PRKCQ: variants seen among roughly 807,000 people sequenced by gnomAD.
PRKCQ encodes protein kinase C theta.
A neutral mutation model predicts 91.2 loss-of-function variants in PRKCQ; 41 were observed. The ratio of observed to expected loss-of-function variants is 0.45; its 90% CI spans 0.35 to 0.58. The LOEUF (loss-of-function observed/expected upper bound fraction) is 0.58, where lower values mean the gene tolerates loss of function less well. Ranked by LOEUF, PRKCQ falls within the 20% of genes least tolerant of loss-of-function variation. The pLI is 0.00. For missense variants in PRKCQ, 673 were observed against 896.5 expected (o/e 0.75, Z 3.18); for synonymous variants, 307 against 316.9 (o/e 0.97, Z 0.33).
intron 12 of PRKCQ, among the ~76,000 whole-genome samples, chr10:6,469,602 T>TA (rs1464406303): frequency 6.6e-6 from 1 of 152,196 alleles, no homozygotes; most frequent in Admixed American, 6.5e-5. Context: ...GATTTGTGTT[T>TA]AGGTATCTTG....
At chr10:6,520,477 G>A (rs1273456817) in intron 1 of PRKCQ, among the ~76,000 whole-genome samples, 2 of 152,168 alleles carry the variant, frequency 1.3e-5, no homozygotes, top group African/African-American at 4.8e-5. Context: ...TTAGGATCTT[G>A]CAAAACTGCT....
intron 8 of PRKCQ, among the ~76,000 whole-genome samples, chr10:6,490,736 AGT>A (rs1423857670): frequency 6.6e-6 from 1 of 152,098 alleles, no homozygotes; most frequent in African/African-American, 2.4e-5. Flanking sequence ...TGGGCAACAA[AGT>A]GAGACCCTGT....
At chr10:6,565,926 G>A (rs2130964776) in intron 1 of PRKCQ, among the ~76,000 whole-genome samples, 1 of 152,286 alleles carries the variant, frequency 6.6e-6, no homozygotes, top group African/African-American at 2.4e-5. Flanking sequence ...CCTCTAAATA[G>A]GTCCCCAGTA....
At chr10:6,489,282 G>C in intron 8 of PRKCQ, 2 of 465,904 alleles carry the variant, frequency 4.3e-6, no homozygotes, top group South Asian at 3.1e-5. Flanking sequence ...GAGGGATGGA[G>C]TTTTACTTTG....
At chr10:6,481,717 C>T (rs761434792) in intron 11 of PRKCQ, among the ~76,000 whole-genome samples, 1 of 152,152 alleles carries the variant, frequency 6.6e-6, no homozygotes, top group Non-Finnish European at 1.5e-5. Context: ...GACATCCTGC[C>T]AAAGTCTGGT....
intron 1 of PRKCQ, among the ~76,000 whole-genome samples, chr10:6,572,337 T>C (rs1376310707): frequency 2.6e-5 from 4 of 152,128 alleles, no homozygotes; most frequent in African/African-American, 9.7e-5. Flanking sequence ...CACCTAGGTA[T>C]TAAGCCCCAC....
intron 1 of PRKCQ, among the ~76,000 whole-genome samples, chr10:6,518,088 G>A (rs915604992): frequency 4.6e-5 from 7 of 152,168 alleles, no homozygotes. Context: ...GGGAAAGACA[G>A]AACTGTTCTC....
At chr10:6,564,427 C>T (rs1327885363) in intron 1 of PRKCQ, among the ~76,000 whole-genome samples, 2 of 152,132 alleles carry the variant, frequency 1.3e-5, no homozygotes, top group African/African-American at 2.4e-5. Flanking sequence ...CTGTACTGCT[C>T]GCCCAGAAGT....
rs34060945 is a variant in PRKCQ, at chr10:6,442,034, G to A, written c.1695C>T (p.Phe565=). 8.7e-6 allele frequency: 14 copies of A among 1,614,050 alleles called. No homozygotes were observed. The highest frequency in any genetic ancestry group is 3.3e-5 in the South Asian group (3 of 91,078). The change falls in exon 16 of 18, where the codon TTC becomes TTT. Residue 565 remains phenylalanine (F), a synonymous_variant. Transcript: ENST00000263125. Reference sequence around the variant, plus strand: ...TCAGCATTTCATAAAGGAGAACCCCGAAGGACCACCAGTCCACAGAGTGGT... The same window carrying A: ...TCAGCATTTCATAAAGGAGAACCCCAAAGGACCACCAGTCCACAGAGTGGT... ...KYNHSVDWWS[F]GVLLYEMLIG...
chr10:6,423,758 T>C (rs1166380189), downstream of PRKCQ, among the ~76,000 whole-genome samples: 1 of 152,230 alleles, frequency 6.6e-6, no homozygotes, highest in Admixed American at 6.5e-5. Context: ...CTTTACCAAA[T>C]GCCTCTTCTC....
rs575965888 is a variant in PRKCQ, at chr10:6,489,513, T to C, written c.790+2170A>G. 13 of 515,058 alleles carry C rather than the reference T, an allele frequency of 2.5e-5. No individual in the cohort carries two copies. The East Asian group carries it at 3.9e-4, about 16-fold the overall frequency. 31.9% of individuals were successfully genotyped at this position (515,058 alleles called of 1,614,324 possible). A position where few individuals can be genotyped will look rare whatever the true frequency, so the allele number is the denominator to read the frequency against. On this transcript the variant is annotated intron_variant, in intron 8 of 17. Transcript: ENST00000263125. ...GGGTAAAAGGCTAAGGAGGCCCTAC[T>C]TAAGACGACGGCCTGCAAGGAGGCA...
chr10:6,510,117 C>T (rs1838397017), intron 3 of PRKCQ, among the ~76,000 whole-genome samples: 1 of 152,166 alleles, frequency 6.6e-6, no homozygotes, highest in Non-Finnish European at 1.5e-5. Flanking sequence ...AGGATTCTCT[C>T]CTTTGGCACA....
chr10:6,399,477 C>A, the PRKCQ span, among the ~76,000 whole-genome samples: 2 of 152,208 alleles, frequency 1.3e-5, no homozygotes, highest in African/African-American at 4.8e-5. Flanking sequence ...ACAGAAATTG[C>A]CCCCTTTTTT....
intron 16 of PRKCQ, among the ~76,000 whole-genome samples, chr10:6,438,546 T>G (rs1314101494): frequency 6.6e-6 from 1 of 152,206 alleles, no homozygotes; most frequent in African/African-American, 2.4e-5. Flanking sequence ...AAACAATGTT[T>G]CTTCCAAAAC....
intron 16 of PRKCQ, among the ~76,000 whole-genome samples, chr10:6,434,265 T>G (rs1311280269): frequency 1.3e-5 from 2 of 152,212 alleles, no homozygotes; most frequent in East Asian, 3.9e-4. Flanking sequence ...CTGGGCCGTG[T>G]GTGCTGCAGG....
chr10:6,424,392 T>A (rs1833069953), downstream of PRKCQ, among the ~76,000 whole-genome samples: 1 of 152,146 alleles, frequency 6.6e-6, no homozygotes, highest in Non-Finnish European at 1.5e-5. Context: ...GGAAGGCACG[T>A]GGTCAGCGTC....
At chr10:6,556,433 GGAAAAAAAAAA>G (rs1439609007) in intron 1 of PRKCQ, among the ~76,000 whole-genome samples, 41 of 93,448 alleles carry the variant, frequency 4.4e-4, no homozygotes, top group African/African-American at 2.7e-3. Flanking sequence ...CCCTGTCTTG[GGAAAAAAAAAA>G]AAAAAAAAAA....
intron 16 of PRKCQ, among the ~76,000 whole-genome samples, chr10:6,433,941 G>T (rs926315238): frequency 1.4e-4 from 20 of 147,718 alleles, no homozygotes; most frequent in Admixed American, 1.2e-3. Context: ...TGAGGCAGGA[G>T]AATCATTTGA....
intron 15 of PRKCQ, among the ~76,000 whole-genome samples, chr10:6,449,727 C>G (rs1167262914): frequency 6.6e-6 from 1 of 152,140 alleles, no homozygotes; most frequent in Non-Finnish European, 1.5e-5. Flanking sequence ...AGACTAACAG[C>G]TGATCTCTCG....
Sources: allele counts gnomAD v4.1 joint callset (sites outside exome capture counted in the v4.1 genomes callset), GRCh38; gene constraint gnomAD v4.1.1; transcripts MANE v1.5; gene names NCBI Gene and HGNC (gene_info 2026-07-23, HGNC 2026-07-21).